The following COP1 variants were observed in gnomAD, a reference collection of about 807,000 sequenced individuals.
COP1 encodes the protein E3 ubiquitin-protein ligase COP1.
Under a neutral mutation model 101.3 loss-of-function variants are expected in COP1, and 24 were observed. The ratio of observed to expected loss-of-function variants is 0.24; its 90% CI spans 0.17 to 0.33. COP1 has a LOEUF of 0.33. COP1 is among the 10% of genes least tolerant of loss of function. The pLI is 1.00. For missense variants in COP1, 663 were observed against 906.2 expected (o/e 0.73, Z 3.45); for synonymous variants, 347 against 341.9 (o/e 1.01, Z -0.17).
In COP1 at chr1:175,945,095, T is replaced by C; in HGVS notation, c.*58A>G. On this transcript the variant is annotated 3_prime_UTR_variant, in exon 20 of 20. Transcript: ENST00000367669. ...ATGACATTTTCTGTTTCTTCTCTCA[T>C]TGTCAGCTGCAGATGTATTTCAGCA... The C allele has an allele frequency of 1.6e-6, 2 of 1,250,082 alleles. No individual in the cohort carries two copies. Among genetic ancestry groups the C allele is most frequent in the Non-Finnish European group, 2.3e-6 (2 of 861,412 alleles). The allele number at this position is 1,250,082 out of a possible 1,614,324, so 77.4% of individuals were successfully genotyped here. A position where few individuals can be genotyped will look rare whatever the true frequency, so the allele number is the denominator to read the frequency against.
At chr1:176,170,499 G>C (rs1447594123) in intron 3 of COP1, among the ~76,000 whole-genome samples, 1 of 152,170 alleles carries the variant, frequency 6.6e-6, no homozygotes, top group South Asian at 2.1e-4. Context: ...GGGTGACCAG[G>C]TGCATTGTCA....
intron 11 of COP1, among the ~76,000 whole-genome samples, chr1:176,079,482 G>A (rs1233982826): frequency 2.0e-5 from 3 of 151,926 alleles, no homozygotes; most frequent in Non-Finnish European, 4.4e-5. Flanking sequence ...CAACTAGATG[G>A]GGAGGTGGGA....
intron 9 of COP1, 88 bp downstream of exon 9, chr1:176,116,536 C>T: frequency 6.5e-6 from 7 of 1,072,844 alleles, no homozygotes; most frequent in Admixed American, 2.0e-5. Flanking sequence ...GTCTTTGTGA[C>T]AGGACATTTT....
intron 11 of COP1, among the ~76,000 whole-genome samples, chr1:176,073,867 G>C (rs1677462807): frequency 6.6e-6 from 1 of 152,196 alleles, no homozygotes; most frequent in African/African-American, 2.4e-5. Flanking sequence ...TTTACAGTAA[G>C]AATAATTATC....
intron 18 of COP1, among the ~76,000 whole-genome samples, chr1:175,976,064 GAAGGTCTCA>G (rs71129536): frequency 0.86 from 130,653 of 151,426 alleles, 58,445 homozygotes; most frequent in Non-Finnish European, 0.98. Context: ...TGTAGAATTA[GAAGGTCTCA>G]AAGGTCTCAA....
At chr1:176,177,687 G>A (rs376911029) in intron 2 of COP1, among the ~76,000 whole-genome samples, 28 of 152,000 alleles carry the variant, frequency 1.8e-4, no homozygotes, top group African/African-American at 6.3e-4. Flanking sequence ...CTTTTATTAC[G>A]TATCCAAATT....
intron 1 of COP1, among the ~76,000 whole-genome samples, chr1:176,196,790 A>C (rs1044401572): frequency 6.6e-6 from 1 of 152,024 alleles, no homozygotes; most frequent in African/African-American, 2.4e-5. Context: ...CTATAATCCC[A>C]GCACTTTGAG....
intron 2 of COP1, 107 bp from the exon 3 acceptor site, chr1:176,176,114 C>T (rs1696897503): frequency 5.0e-6 from 3 of 601,752 alleles, no homozygotes; most frequent in South Asian, 2.1e-5. Flanking sequence ...TTCAACATAA[C>T]TAATCTAATA....
chr1:176,055,216 C>T (rs1434070382), intron 11 of COP1, among the ~76,000 whole-genome samples: 1 of 152,214 alleles, frequency 6.6e-6, no homozygotes, highest in Non-Finnish European at 1.5e-5. Context: ...GGTGGATAAC[C>T]TGAGGTCAGG....
chr1:176,006,536 C>G (rs1350375901), intron 15 of COP1, among the ~76,000 whole-genome samples: 1 of 152,156 alleles, frequency 6.6e-6, no homozygotes, highest in East Asian at 1.9e-4. Flanking sequence ...TCTTTTAGGG[C>G]AGGCCTGGTG....
rs369471153 is a variant in COP1 at position 176,085,861 on chromosome 1, C to T, written c.1056G>A (p.Thr352=). The T allele has an allele frequency of 8.3e-5, 134 of 1,605,984 alleles. No individual in the cohort carries two copies. The highest frequency in any genetic ancestry group is 1.7e-4 in the Middle Eastern group (1 of 5,746). ...TAAGTCGTTTTCGTCTTGATGCTAA[C>T]GTGCTATTATACCAAGGCTGTTTCT... ...QTKKQPWYNS[T]LASRRKRLTA... Residue 352 remains threonine, a synonymous_variant, in exon 10 of 20, where the codon ACG becomes ACA. Transcript: ENST00000367669.
intron 11 of COP1, among the ~76,000 whole-genome samples, chr1:176,080,107 G>C (rs1678836443): frequency 6.6e-6 from 1 of 152,002 alleles, no homozygotes; most frequent in South Asian, 2.1e-4. Flanking sequence ...AAATTAAAAG[G>C]TATTTTGATA....
In COP1 at chr1:175,945,178, G is replaced by C. The variant is rs1397972421; in HGVS notation, c.2179-8C>G. ...TCATACCAATTCTAGCACCTAATTG[G>C]GGGGAAAAAAGGATCCATTTAATAA... is the stretch of plus-strand genomic sequence containing the variant. On this transcript the variant is annotated splice_region_variant and splice_polypyrimidine_tract_variant and intron_variant, in intron 19 of 19. Coordinates refer to ENST00000367669, the MANE Select transcript of COP1 (RefSeq NM_022457.7). 1.3e-6 allele frequency: 2 copies of C among 1,562,868 alleles called. No homozygotes were observed. The highest frequency in any genetic ancestry group is 1.7e-6 in the Non-Finnish European group (2 of 1,144,370).
chr1:175,988,418 G>A lies in COP1; in HGVS notation c.1848-6C>T. ...TTAGCTGACTGTCTGTTGAGCTGAG[G>A]AAAAGTACAAAGAGTAAGAACTTAC... On this transcript the variant is annotated splice_polypyrimidine_tract_variant and splice_region_variant and intron_variant, in intron 16 of 19. Coordinates refer to ENST00000367669, the MANE Select transcript of COP1 (RefSeq NM_022457.7). The A allele has an allele frequency of 1.9e-6, 3 of 1,589,426 alleles. No individual in the cohort carries two copies. Among genetic ancestry groups the A allele is most frequent in the East Asian group, 2.2e-5 (1 of 44,488 alleles).
intron 8 of COP1, among the ~76,000 whole-genome samples, chr1:176,131,054 G>A (rs761381876): frequency 1.3e-5 from 2 of 151,736 alleles, no homozygotes; most frequent in African/African-American, 2.4e-5. Flanking sequence ...AAGTTTCTAG[G>A]CAAAAGGAAC....
chr1:176,127,561 CTGTGTGTGTGTG>C (rs71129555), intron 8 of COP1, among the ~76,000 whole-genome samples: 4 of 148,154 alleles, frequency 2.7e-5, no homozygotes, highest in African/African-American at 1.0e-4. Context: ...TAGTATTCTA[CTGTGTGTGTGTG>C]TGTGTGTGTG....
At chr1:175,950,592 A>G (rs1649762635) in intron 18 of COP1, among the ~76,000 whole-genome samples, 1 of 152,188 alleles carries the variant, frequency 6.6e-6, no homozygotes, top group South Asian at 2.1e-4. Context: ...CTAGCTCAAC[A>G]GGTTATTTTT....
rs1419949143 is a variant in COP1, at chr1:175,965,822, C to T, written c.2134-18583G>A. 2.0e-5 allele frequency among the ~76,000 whole-genome samples: 3 copies of T among 152,066 alleles called. No individual in the cohort carries two copies. In the East Asian group the frequency reaches 5.8e-4, roughly 29 times the overall value. The stretch of plus-strand genomic sequence containing the variant: ...TGGTCTCGAACTCCTGACCTCGTGA[C>T]CCACCCGCCTCAGCCTCCTAAAGTG... On this transcript the variant is annotated intron_variant, in intron 18 of 19. Transcript: ENST00000367669.
In COP1 at chr1:176,086,124, G is replaced by C. The variant is rs111625933; in HGVS notation, c.1027-234C>G. On this transcript the variant is annotated intron_variant, in intron 9 of 19. Transcript: ENST00000367669. ...TAATGACTAAAAATAAGCTCTAAAG[G>C]ACAGTTTTACAAGACTAAAATGAGA... is the stretch of plus-strand genomic sequence containing the variant. Among the ~76,000 whole-genome samples the C allele has an allele frequency of 2.6e-3, 399 of 151,678 alleles. 3 individuals carry two copies. Among genetic ancestry groups the C allele is most frequent in the African/African-American group, 9.2e-3 (381 of 41,378 alleles).
Sources: allele counts gnomAD v4.1 joint callset (sites outside exome capture counted in the v4.1 genomes callset), GRCh38; gene constraint gnomAD v4.1.1; transcripts MANE v1.5; gene names NCBI Gene and HGNC (gene_info 2026-07-23, HGNC 2026-07-21).